The following VILL variants were observed in gnomAD, a reference collection of about 807,000 sequenced individuals.
The protein encoded by VILL is villin-like protein.
VILL carries 102 observed loss-of-function variants against 106.3 expected under a neutral mutation model. The observed-to-expected ratio is 0.96, with a 90% CI of 0.82 to 1.13. VILL has a LOEUF of 1.13. VILL is among the 50% of genes most tolerant of loss of function. The pLI is 0.00. For missense variants in VILL, 1,076 were observed against 1,116.6 expected, an observed-to-expected ratio of 0.96 and a Z score of 0.52; for synonymous variants, 431 against 440.3, an observed-to-expected ratio of 0.98 and a Z score of 0.27.
rs1313237579 is a variant in VILL, at chr3:37,994,430, C to T, written c.305C>T (p.Ser102Phe). 2 of 1,612,730 alleles carry T rather than the reference C, an allele frequency of 1.2e-6. No homozygotes were observed. Among genetic ancestry groups the T allele is most frequent in the East Asian group, 4.5e-5 (2 of 44,870 alleles). ...VLHREAQGHE[S>F]DCFCSYFRPG... Reference sequence around the variant, plus strand: ...CACCGCGAGGCGCAGGGCCACGAGTCCGACTGCTTCTGCAGCTACTTCCGC... The same window carrying T: ...CACCGCGAGGCGCAGGGCCACGAGTTCGACTGCTTCTGCAGCTACTTCCGC... Residue 102 changes from serine (S) to phenylalanine (F), a missense_variant, in exon 4 of 20, where the codon TCC (serine) becomes TTC (phenylalanine). Transcript: ENST00000383759.
intron 11 of VILL, chr3:38,001,120 C>T (rs1294693174): frequency 1.9e-6 from 1 of 520,324 alleles, no homozygotes; most frequent in African/African-American, 1.9e-5. Context: ...TTCTGTTGCC[C>T]TGGCCTGAGC....
rs369690593 is a variant in VILL at position 37,994,072 on chromosome 3, G to C, written c.135+100G>C. The C allele has an allele frequency of 1.3e-5, 20 of 1,510,608 alleles. No individual in the cohort carries two copies. In the Middle Eastern group the frequency reaches 5.1e-4, roughly 39 times the overall value. 93.6% of individuals were successfully genotyped at this position (1,510,608 alleles called of 1,614,324 possible). A position where few individuals can be genotyped will look rare whatever the true frequency, so the allele number is the denominator to read the frequency against. ...ACTCTGCCCTGGGAAGCGGCAAGTT[G>C]AGAGCCGGAGAATCACATCCCACAA... On this transcript the variant is annotated intron_variant, in intron 3 of 19. Transcript: ENST00000383759.
chr3:37,995,866 C>T lies in VILL; in HGVS notation c.450+19C>T, dbSNP rs1699691740. 2 of 1,604,730 alleles carry T rather than the reference C, an allele frequency of 1.2e-6. No individual in the cohort carries two copies. Among genetic ancestry groups the T allele is most frequent in the East Asian group, 4.5e-5 (2 of 44,752 alleles). ...CACTGAGGTGAGGCTGCCAGGGGAG[C>T]CTCTTGACCTCTGAACTCGGCTCAG... is the stretch of plus-strand genomic sequence containing the variant. On this transcript the variant is annotated intron_variant, in intron 5 of 19. Transcript: ENST00000383759.
upstream of VILL, among the ~76,000 whole-genome samples, chr3:37,988,601 G>A (rs989842284): frequency 8.5e-5 from 13 of 152,320 alleles, no homozygotes; most frequent in East Asian, 7.7e-4. Context: ...GGTGGCTTAC[G>A]CCTGTAATCC....
At chr3:38,000,840 G>A (rs982248608) in intron 11 of VILL, 2 of 456,318 alleles carry the variant, frequency 4.4e-6, no homozygotes, top group African/African-American at 4.0e-5. Flanking sequence ...GCCATGCAGA[G>A]GTGAGGTAAG....
At chr3:38,001,384 G>T (rs528770571) in intron 11 of VILL, 72 bp from the exon 12 acceptor site, 3 of 1,584,542 alleles carry the variant, frequency 1.9e-6, no homozygotes, top group Non-Finnish European at 1.7e-6. Flanking sequence ...AGAGCTTTCC[G>T]GTTGGGTACA....
Position 37,997,176 on chromosome 3 carries a change from G to A in VILL, c.550G>A (p.Glu184Lys). 1 of 1,614,152 alleles carries A rather than the reference G, an allele frequency of 6.2e-7. No homozygotes were observed. Among genetic ancestry groups the A allele is most frequent in the Non-Finnish European group, 8.5e-7 (1 of 1,180,004 alleles). Residue 184 changes from glutamate to lysine, a missense_variant, in exon 6 of 20, where the codon GAG (glutamate) becomes AAG (lysine). Transcript: ENST00000383759. This position sits in a 1 kb window ranked among gnomAD's most constrained non-coding sequence, Gnocchi z 4.7. ...GAATGGGCCCAAGACCAGCATTTCT[G>A]AGAAGGCTCGGGTCAGTGTCTGCCC... ...QWNGPKTSISEKARGLALTYS... is the reference protein window; with the variant it reads ...QWNGPKTSISKKARGLALTYS...
intron 4 of VILL, among the ~76,000 whole-genome samples, chr3:37,994,877 G>C (rs1699673690): frequency 6.6e-6 from 1 of 152,188 alleles, no homozygotes; most frequent in African/African-American, 2.4e-5. Context: ...GGATCTTTTT[G>C]TTTTAACACA....
In VILL at chr3:37,999,387, C is replaced by CT. The variant is rs1369818347; in HGVS notation, c.1131dup (p.Lys378Ter). 1 of 1,505,982 alleles carries CT rather than the reference C, an allele frequency of 6.6e-7. No individual in the cohort carries two copies. The highest frequency in any genetic ancestry group is 2.4e-5 in the Admixed American group (1 of 41,808). The allele number at this position is 1,505,982 out of a possible 1,614,324, so 93.3% of individuals were successfully genotyped here. On this transcript the variant is annotated frameshift_variant, in exon 11 of 20. Transcript: ENST00000383759. LOFTEE classifies it high-confidence loss of function. Reference sequence around the variant, plus strand: ...GACGTGGGCAAGCTGCACACCCAGCCTAAGTTAGCGGCCCAGCTCAGGATG... The same window carrying CT: ...GACGTGGGCAAGCTGCACACCCAGCCTTAAGTTAGCGGCCCAGCTCAGGATG...
intron 1 of VILL, chr3:37,993,262 G>C (rs1485505745): frequency 5.4e-6 from 1 of 183,944 alleles, no homozygotes; most frequent in African/African-American, 2.4e-5. Flanking sequence ...AGAGCCTGTG[G>C]CTGTTTGCAG....
In VILL at chr3:37,995,761, T is replaced by C. The variant is rs778004238; in HGVS notation, c.364T>C (p.Ser122Pro). 6.2e-7 allele frequency: 1 copy of C among 1,613,872 alleles called. No individual in the cohort carries two copies. The highest frequency in any genetic ancestry group is 1.1e-5 in the South Asian group (1 of 91,080). ...CAGCTACAGGAAGGGAGGCCTAGCA[T>C]CTGACCTCAAGCATGTGGAGACCAA... ...GIIYRKGGLA[S>P]DLKHVETNLF... The change falls in exon 5 of 20, where the codon TCT becomes CCT. Residue 122 changes from serine (S) to proline (P), a missense_variant. Coordinates refer to ENST00000383759, the MANE Select transcript of VILL (RefSeq NM_015873.4).
intron 10 of VILL, 79 bp from the exon 11 acceptor site, chr3:37,999,260 T>A: frequency 1.4e-6 from 1 of 725,676 alleles, no homozygotes; most frequent in South Asian, 3.3e-5. Context: ...CTTGGAGGGA[T>A]GGTTGAGGAG....
chr3:38,002,255 T>C, intron 13 of VILL, 141 bp from the exon 14 acceptor site: 1 of 747,678 alleles, frequency 1.3e-6, no homozygotes, highest in Non-Finnish European at 2.1e-6. Context: ...GAGGGTCCTG[T>C]ACTCCTCATG....
At chr3:38,004,892 G>A (rs1699886421) in intron 16 of VILL, among the ~76,000 whole-genome samples, 1 of 152,222 alleles carries the variant, frequency 6.6e-6, no homozygotes, top group African/African-American at 2.4e-5. Flanking sequence ...AAATGTGTCT[G>A]TGAGCAAGAC....
In VILL at chr3:38,006,701, G is replaced by A. The variant is rs372639075; in HGVS notation, c.2457+1G>A. On this transcript the variant is annotated splice_donor_variant, in intron 19 of 19. Coordinates refer to ENST00000383759, the MANE Select transcript of VILL (RefSeq NM_015873.4). LOFTEE classifies it high-confidence loss of function. ...GGGCGTGGACCCTGCCCGCAGGGAG[G>A]TGGGCACCCCCTCACTGCCCCAGCA... 12 of 1,599,298 alleles carry A rather than the reference G, an allele frequency of 7.5e-6. No individual in the cohort carries two copies. The highest frequency in any genetic ancestry group is 1.0e-5 in the Non-Finnish European group (12 of 1,171,110).
chr3:37,994,152 G>A lies in VILL; in HGVS notation c.136-109G>A, dbSNP rs545498388. On this transcript the variant is annotated intron_variant, in intron 3 of 19. Transcript: ENST00000383759. ...CCTTCCCTCCCACTTCCTGATCTCC[G>A]CGGAAGCCCCTGCCTAGCGTCTCCC... 4 of 1,438,910 alleles carry A rather than the reference G, an allele frequency of 2.8e-6. No individual in the cohort carries two copies. The Admixed American group carries it at 7.9e-5, about 28-fold the overall frequency. The allele number at this position is 1,438,910 out of a possible 1,614,324, so 89.1% of individuals were successfully genotyped here. A position where few individuals can be genotyped will look rare whatever the true frequency, so the allele number is the denominator to read the frequency against.
At position 38,001,204 on chromosome 3, in the gene VILL, C is replaced by T. The variant is rs1318004033; in HGVS notation, c.1183-252C>T. The T allele has an allele frequency of 8.5e-6, 5 of 589,004 alleles. No individual in the cohort carries two copies. The African/African-American group carries it at 9.3e-5, about 11-fold the overall frequency. 36.5% of individuals were successfully genotyped at this position (589,004 alleles called of 1,614,324 possible). A position where few individuals can be genotyped will look rare whatever the true frequency, so the allele number is the denominator to read the frequency against. ...TGGTGGGGTTGGGACTAGGGCTGGG[C>T]ATGTGGCTGGGATTGGGCCCATCTC... On this transcript the variant is annotated intron_variant, in intron 11 of 19. Coordinates refer to ENST00000383759, the MANE Select transcript of VILL (RefSeq NM_015873.4).
At chr3:38,001,238 G>A (rs1353146946) in intron 11 of VILL, 1 of 662,878 alleles carries the variant, frequency 1.5e-6, no homozygotes. Context: ...TCCCAAGTGT[G>A]GTGGGTTTCA....
In VILL at chr3:38,003,213, G is replaced by T; in HGVS notation, c.1705G>T (p.Val569Phe). ...TGAGATGGCACGGGTGGTGGTCACT[G>T]TCATTTCCAGGAAGAATGAGGAAAC... ...QREMARVVVT[V>F]ISRKNEETVL... Residue 569 changes from valine to phenylalanine, a missense_variant, in exon 15 of 20, where the codon GTC (valine) becomes TTC (phenylalanine). Physicochemically the swap from Val to Phe is conservative, Grantham distance 50 (BLOSUM62 -1). Coordinates refer to ENST00000383759, the MANE Select transcript of VILL (RefSeq NM_015873.4). The T allele has an allele frequency of 1.2e-6, 2 of 1,614,046 alleles. 1 individual carries two copies. Among genetic ancestry groups the T allele is most frequent in the South Asian group, 2.2e-5 (2 of 91,078 alleles).
Sources: gnomAD v4.1 joint callset for allele counts (sites outside exome capture counted in the v4.1 genomes callset) on GRCh38, gnomAD v4.1.1 for gene constraint, Gnocchi (gnomAD v3.1) non-coding constraint, MANE v1.5 for transcripts, NCBI Gene and HGNC (gene_info 2026-07-23, HGNC 2026-07-21) for gene names.